The following NPAS3 variants were observed in gnomAD, a reference collection of about 807,000 sequenced individuals.
NPAS3 encodes the protein neuronal PAS domain protein 3.
A neutral mutation model predicts 73.1 loss-of-function variants in NPAS3; 14 were observed. That is an observed-to-expected ratio of 0.19 (90% confidence interval 0.13 to 0.30). The LOEUF is 0.30. NPAS3 is among the 10% of genes least tolerant of loss of function. NPAS3 has a pLI of 1.00. For synonymous variants in NPAS3, 620 were observed against 541.5 expected (o/e 1.14, Z -2.01); for missense variants, 1,096 against 1,250.0 (o/e 0.88, Z 1.86).
intron 5 of NPAS3, among the ~76,000 whole-genome samples, chr14:33,583,016 T>C (rs949749314): frequency 6.9e-6 from 1 of 145,690 alleles, no homozygotes; most frequent in African/African-American, 2.6e-5. Context: ...CTAGAAGATA[T>C]GCTGTAGTGA....
intron 2 of NPAS3, among the ~76,000 whole-genome samples, chr14:33,197,693 T>C (rs906120115): frequency 9.2e-5 from 14 of 152,324 alleles, no homozygotes; most frequent in African/African-American, 3.4e-4. Context: ...AAGACATCTC[T>C]AGATAGTTGC....
intron 3 of NPAS3, among the ~76,000 whole-genome samples, chr14:33,222,679 C>A (rs1222346940): frequency 1.3e-5 from 2 of 152,134 alleles, no homozygotes; most frequent in Admixed American, 1.3e-4. Context: ...ATCTCCAGAA[C>A]CTTGTACAAT....
At chr14:33,291,600 G>C (rs969666546) in intron 3 of NPAS3, among the ~76,000 whole-genome samples, 1 of 152,162 alleles carries the variant, frequency 6.6e-6, no homozygotes, top group Non-Finnish European at 1.5e-5. Flanking sequence ...TAGAGATTTT[G>C]TTTGTTGTGA....
chr14:33,787,432 T>C (rs1041144200), intron 9 of NPAS3, among the ~76,000 whole-genome samples: 2 of 152,096 alleles, frequency 1.3e-5, no homozygotes, highest in African/African-American at 2.4e-5. Context: ...ATCACACAGA[T>C]AGCAATTCAA....
At chr14:33,237,605 G>T (rs895200706) in intron 3 of NPAS3, among the ~76,000 whole-genome samples, 1 of 152,026 alleles carries the variant, frequency 6.6e-6, no homozygotes, top group Non-Finnish European at 1.5e-5. Flanking sequence ...AAAGGAAATT[G>T]CTTTCGGCTT....
At chr14:33,297,624 A>C (rs901602789) in intron 3 of NPAS3, among the ~76,000 whole-genome samples, 1 of 152,208 alleles carries the variant, frequency 6.6e-6, no homozygotes, top group African/African-American at 2.4e-5. Context: ...CACACACACA[A>C]AAAAACCAAA....
At chr14:33,084,549 T>C (rs2041960209) in intron 2 of NPAS3, among the ~76,000 whole-genome samples, 1 of 152,150 alleles carries the variant, frequency 6.6e-6, no homozygotes. Context: ...GTGTTATAGG[T>C]GGAAGGTGGC....
intron 4 of NPAS3, among the ~76,000 whole-genome samples, chr14:33,398,870 A>AT (rs544941463): frequency 2.0e-4 from 30 of 151,330 alleles, no homozygotes; most frequent in East Asian, 7.7e-4. Flanking sequence ...GTACAAAGTC[A>AT]TTTTTTTTTA....
intron 7 of NPAS3, among the ~76,000 whole-genome samples, chr14:33,737,001 T>C (rs967121623): frequency 2.0e-5 from 3 of 152,212 alleles, no homozygotes; most frequent in Non-Finnish European, 4.4e-5. Flanking sequence ...CCTTACAACA[T>C]TCCTAAAGTG....
chr14:33,717,859 G>C (rs2060999720), intron 6 of NPAS3, among the ~76,000 whole-genome samples: 1 of 152,110 alleles, frequency 6.6e-6, no homozygotes, highest in Admixed American at 6.6e-5. Context: ...AAATCACCTG[G>C]CATTAATCCT....
intron 2 of NPAS3, among the ~76,000 whole-genome samples, chr14:33,160,611 G>A (rs903977530): frequency 6.7e-5 from 10 of 149,620 alleles, no homozygotes; most frequent in Non-Finnish European, 1.3e-4. Context: ...TGCACGTTGT[G>A]CACATGTACC....
At chr14:33,751,778 A>G (rs979396840) in intron 7 of NPAS3, among the ~76,000 whole-genome samples, 1 of 152,212 alleles carries the variant, frequency 6.6e-6, no homozygotes, top group Non-Finnish European at 1.5e-5. Context: ...TACTAATTAT[A>G]GCAACCTTTG....
chr14:33,175,218 A>T (rs2045544480), intron 2 of NPAS3, among the ~76,000 whole-genome samples: 1 of 152,222 alleles, frequency 6.6e-6, no homozygotes, highest in Non-Finnish European at 1.5e-5. Context: ...GTTATACCAA[A>T]AATGTTTTTG....
At chr14:33,148,696 A>AT (rs1178904141) in intron 2 of NPAS3, among the ~76,000 whole-genome samples, 2 of 152,024 alleles carry the variant, frequency 1.3e-5, no homozygotes, top group Non-Finnish European at 2.9e-5. Flanking sequence ...TTTAAAAAAA[A>AT]TTTTTTTGGA....
intron 5 of NPAS3, among the ~76,000 whole-genome samples, chr14:33,600,623 C>G (rs1348332578): frequency 6.6e-6 from 1 of 152,050 alleles, no homozygotes; most frequent in Non-Finnish European, 1.5e-5. Flanking sequence ...ATTGGCTTGC[C>G]CATAGTTATA....
At chr14:33,748,052 T>G (rs1166339666) in intron 7 of NPAS3, among the ~76,000 whole-genome samples, 1 of 152,218 alleles carries the variant, frequency 6.6e-6, no homozygotes, top group Non-Finnish European at 1.5e-5. Flanking sequence ...TAACAGGAAA[T>G]TCCTAGAACA....
chr14:32,950,385 C>T (rs2036433594), intron 1 of NPAS3, among the ~76,000 whole-genome samples: 1 of 152,040 alleles, frequency 6.6e-6, no homozygotes, highest in Non-Finnish European at 1.5e-5. Context: ...GTTAGCAGCA[C>T]AGATAACAGA....
intron 9 of NPAS3, among the ~76,000 whole-genome samples, chr14:33,778,962 C>CT: frequency 6.6e-6 from 1 of 152,174 alleles, no homozygotes; most frequent in Non-Finnish European, 1.5e-5. Context: ...TTCAAATAAG[C>CT]CAGAGCCTTA....
intron 4 of NPAS3, among the ~76,000 whole-genome samples, chr14:33,381,190 A>G (rs896927747): frequency 6.6e-6 from 1 of 152,220 alleles, no homozygotes; most frequent in Non-Finnish European, 1.5e-5. Context: ...GCATAGTAAG[A>G]TCAACTGTAT....
Sources: allele counts gnomAD v4.1 joint callset (sites outside exome capture counted in the v4.1 genomes callset), GRCh38; gene constraint gnomAD v4.1.1; transcripts MANE v1.5; gene names NCBI Gene and HGNC (gene_info 2026-07-23, HGNC 2026-07-21).